The following ANO1 variants were observed in gnomAD, a reference collection of about 807,000 sequenced individuals.
The protein encoded by ANO1 is anoctamin 1, also known as anoctamin-1.
In ANO1, 59 loss-of-function variants were observed where a neutral mutation model predicts 124.0. The observed-to-expected ratio is 0.48, with a 90% CI of 0.39 to 0.59. ANO1 has a LOEUF of 0.59. ANO1 is among the 20% of genes least tolerant of loss of function. The pLI is 0.00. For missense variants in ANO1, 1,059 were observed against 1,328.0 expected, an observed-to-expected ratio of 0.80 and a Z score of 3.15; for synonymous variants, 529 against 532.0, an observed-to-expected ratio of 0.99 and a Z score of 0.08.
chr11:70,076,656 T>A (rs573206477), upstream of ANO1, among the ~76,000 whole-genome samples: 1 of 152,306 alleles, frequency 6.6e-6, no homozygotes, highest in South Asian at 2.1e-4. Context: ...GCACTGTTCC[T>A]GGCATGGATT....
intron 10 of ANO1, among the ~76,000 whole-genome samples, chr11:70,130,167 C>G (rs2046692016): frequency 4.6e-5 from 7 of 152,216 alleles, no homozygotes; most frequent in Admixed American, 4.6e-4. Flanking sequence ...AGGGTGTGTA[C>G]TTAGAGCCCA....
At chr11:70,071,092 C>T (rs1857862666) in intron 1 of ANO1, among the ~76,000 whole-genome samples, 1 of 152,176 alleles carries the variant, frequency 6.6e-6, no homozygotes. Flanking sequence ...AAATAGGGCG[C>T]TCTCTTGGCT....
At chr11:70,136,516 T>C (rs2046961734) in intron 11 of ANO1, among the ~76,000 whole-genome samples, 1 of 119,308 alleles carries the variant, frequency 8.4e-6, no homozygotes, top group South Asian at 3.5e-4. Context: ...TGTTTGGGGC[T>C]TCTGCCTGGA....
rs769955925 is a variant in ANO1, at chr11:70,165,484, C to G, written c.1965C>G (p.Gly655=). 6.2e-7 allele frequency: 1 copy of G among 1,610,782 alleles called. No homozygotes were observed. Among genetic ancestry groups the G allele is most frequent in the South Asian group, 1.1e-5 (1 of 89,986 alleles). The part of the protein sequence containing the change: ...SFRMEECAPG[G]CLMELCIQLS... Reference sequence around the variant, plus strand: ...TCTGTCCACAGTGTGCGCCAGGGGGCTGCCTGATGGAGCTATGCATCCAGC... The same window carrying G: ...TCTGTCCACAGTGTGCGCCAGGGGGGTGCCTGATGGAGCTATGCATCCAGC... The change falls in exon 20 of 26, where the codon GGC becomes GGG. Residue 655 remains glycine, a synonymous_variant. Coordinates refer to ENST00000355303, the MANE Select transcript of ANO1 (RefSeq NM_018043.7).
chr11:70,004,941 C>A (rs781850938), intron 1 of ANO1, among the ~76,000 whole-genome samples: 1 of 151,998 alleles, frequency 6.6e-6, no homozygotes, highest in Non-Finnish European at 1.5e-5. Flanking sequence ...TGCAAAACCC[C>A]GTCTCTACTA....
intron 9 of ANO1, among the ~76,000 whole-genome samples, chr11:70,125,285 G>A (rs1404758742): frequency 3.3e-5 from 5 of 151,884 alleles, no homozygotes; most frequent in Non-Finnish European, 4.4e-5. Context: ...GGAGGTTGCA[G>A]TGAGCCGAGA....
At chr11:70,068,185 A>C (rs1486389409) in intron 1 of ANO1, among the ~76,000 whole-genome samples, 2 of 152,168 alleles carry the variant, frequency 1.3e-5, no homozygotes, top group Non-Finnish European at 2.9e-5. Context: ...ATGTTAAGAC[A>C]ACAACTCCAT....
chr11:70,047,077 T>A (rs1857271589), intron 1 of ANO1, among the ~76,000 whole-genome samples: 1 of 66,418 alleles, frequency 1.5e-5, no homozygotes, highest in Non-Finnish European at 2.7e-5. Context: ...CGAGACTCTG[T>A]CTCAAAAAAA....
intron 1 of ANO1, among the ~76,000 whole-genome samples, chr11:70,028,265 G>T (rs1555003422): frequency 6.6e-6 from 1 of 152,170 alleles, no homozygotes; most frequent in East Asian, 1.9e-4. Flanking sequence ...GGGGACCGCT[G>T]GGTTCAGTCC....
At chr11:70,084,134 C>T (rs2135198914) in intron 1 of ANO1, among the ~76,000 whole-genome samples, 1 of 152,232 alleles carries the variant, frequency 6.6e-6, no homozygotes, top group Admixed American at 6.5e-5. Context: ...TAGCCGAAGC[C>T]CTCAGGCGCA....
In ANO1 at chr11:70,126,164, G is replaced by A; in HGVS notation, c.1066G>A (p.Gly356Arg). 1.9e-6 allele frequency: 3 copies of A among 1,613,274 alleles called. No homozygotes were observed. Among genetic ancestry groups the A allele is most frequent in the Non-Finnish European group, 2.5e-6 (3 of 1,179,578 alleles). The change falls in exon 10 of 26, where the codon GGA (glycine) becomes AGA (arginine). Residue 356 changes from glycine (G) to arginine (R), a missense_variant. Coordinates refer to ENST00000355303, the MANE Select transcript of ANO1 (RefSeq NM_018043.7). ...SIVGIIVFLY[G>R]CATMDENIPS... ...CGTGGGAATCATTGTCTTCCTGTAC[G>A]GATGCGCCACCATGGATGAAAACAT...
chr11:70,020,562 A>G (rs888265856), intron 1 of ANO1, among the ~76,000 whole-genome samples: 2 of 152,272 alleles, frequency 1.3e-5, no homozygotes, highest in Admixed American at 1.3e-4. Flanking sequence ...GGGTCCGGCC[A>G]AGGGTCACCA....
chr11:70,016,114 G>C (rs1856699006), intron 1 of ANO1, among the ~76,000 whole-genome samples: 1 of 150,990 alleles, frequency 6.6e-6, no homozygotes, highest in African/African-American at 2.4e-5. Flanking sequence ...CGCAACCTCT[G>C]CCTCCTTGGT....
intron 2 of ANO1, among the ~76,000 whole-genome samples, chr11:70,090,250 G>A (rs2509157): frequency 0.23 from 34,940 of 152,074 alleles, 4,167 homozygotes; most frequent in South Asian, 0.33. Context: ...CTCGTGGTCC[G>A]CCCGCCTTGG....
Position 70,091,064 on chromosome 11 carries a change from C to G in ANO1, c.441+2980C>G, listed in dbSNP as rs375049558. 3.3e-4 allele frequency among the ~76,000 whole-genome samples: 51 copies of G among 152,264 alleles called. No individual in the cohort carries two copies. In the East Asian group the frequency reaches 7.3e-3, roughly 22 times the overall value. ...CCTGTTCTCCTGGAGAGGGGCAGAGCCAGAATCTATTAAAAGGCTGCTTGG... is the reference window on the plus strand; with the variant it reads ...CCTGTTCTCCTGGAGAGGGGCAGAGGCAGAATCTATTAAAAGGCTGCTTGG... On this transcript the variant is annotated intron_variant, in intron 2 of 25. Transcript: ENST00000355303.
chr11:70,082,348 C>A (rs2044225482), intron 1 of ANO1, among the ~76,000 whole-genome samples: 1 of 152,220 alleles, frequency 6.6e-6, no homozygotes, highest in African/African-American at 2.4e-5. Context: ...CACCTAAGGT[C>A]AAGAGTTCAA....
chr11:70,134,355 C>T (rs575344914), intron 11 of ANO1, among the ~76,000 whole-genome samples: 4 of 152,282 alleles, frequency 2.6e-5, no homozygotes, highest in South Asian at 2.1e-4. Context: ...TGTTCAGTGC[C>T]GCCTGCTGTG....
At chr11:70,105,981 T>C (rs1411303404) in intron 5 of ANO1, among the ~76,000 whole-genome samples, 193 bp downstream of exon 5, 2 of 151,994 alleles carry the variant, frequency 1.3e-5, no homozygotes, top group African/African-American at 4.8e-5. Flanking sequence ...CAGGGGCAGC[T>C]GAGAGGAAGG....
chr11:70,036,809 G>A (rs369836043), intron 1 of ANO1, among the ~76,000 whole-genome samples: 13 of 152,150 alleles, frequency 8.5e-5, no homozygotes, highest in South Asian at 6.2e-4. Context: ...GGGTTTCACC[G>A]TGTTAGCCAG....
Sources: gnomAD v4.1 joint callset for allele counts (sites outside exome capture counted in the v4.1 genomes callset) on GRCh38, gnomAD v4.1.1 for gene constraint, MANE v1.5 for transcripts, NCBI Gene and HGNC (gene_info 2026-07-23, HGNC 2026-07-21) for gene names.